Variants in HELLS observed in about 807,000 individuals in gnomAD.
The protein encoded by HELLS is lymphoid-specific helicase.
In HELLS, 32 loss-of-function variants were observed where a neutral mutation model predicts 120.0. That is an observed-to-expected ratio of 0.27 (90% CI 0.20 to 0.36). The LOEUF (loss-of-function observed/expected upper bound fraction) is 0.36. HELLS is among the 10% of genes least tolerant of loss of function. The pLI, the probability that HELLS is intolerant of heterozygous loss-of-function variation, is 1.00. For missense variants in HELLS, 650 were observed against 993.4 expected (o/e 0.65, Z 4.65); for synonymous variants, 341 against 323.4 (o/e 1.05, Z -0.58).
intron 13 of HELLS, among the ~76,000 whole-genome samples, chr10:94,589,631 T>C (rs1039385327): frequency 1.3e-5 from 2 of 152,036 alleles, no homozygotes; most frequent in Non-Finnish European, 2.9e-5. Flanking sequence ...AAAATATTTA[T>C]TGTGATGCAT....
Position 94,588,302 on chromosome 10 carries a change from T to C in HELLS, c.1400T>C (p.Val467Ala), listed in dbSNP as rs762904124. 4 of 1,610,874 alleles carry C rather than the reference T, an allele frequency of 2.5e-6. No homozygotes were observed. The Admixed American group carries it at 6.7e-5, about 27-fold the overall frequency. The stretch of plus-strand genomic sequence containing the variant: ...GAAGTTCCTCCTAAACGAGAAGTAG[T>C]CGTTTATGCTCCACTTTCAAAGAAG... ...ALEVPPKREV[V>A]VYAPLSKKQE... The change falls in exon 13 of 22, where the codon GTC (valine) becomes GCC (alanine). Residue 467 changes from valine to alanine, a missense_variant. By Grantham distance (64) the Val-to-Ala change is moderately conservative (BLOSUM62 0). Transcript: ENST00000348459.
intron 21 of HELLS, among the ~76,000 whole-genome samples, chr10:94,598,948 C>G (rs1031827491): frequency 8.6e-5 from 13 of 151,736 alleles, no homozygotes; most frequent in Admixed American, 6.6e-5. Flanking sequence ...CCTTGTCATC[C>G]TTGATGCAAA....
chr10:94,546,670 T>C (rs562231469), intron 2 of HELLS, among the ~76,000 whole-genome samples, 172 bp downstream of exon 2: 1 of 152,308 alleles, frequency 6.6e-6, no homozygotes, highest in African/African-American at 2.4e-5. Context: ...CCTTTGAGAA[T>C]CCTTTCGCAA....
Position 94,590,731 on chromosome 10 carries a change from A to G in HELLS, c.1722A>G (p.Pro574=), listed in dbSNP as rs768527296. The part of the protein sequence containing the change: ...MMLLRKCCNH[P]YLIEYPIDPV... ...TACTTCGTAAATGTTGTAATCATCC[A>G]TATTTGATTGAATATCCTATAGACC... Residue 574 remains proline, a synonymous_variant, in exon 15 of 22, where the codon CCA becomes CCG. Coordinates refer to ENST00000348459, the MANE Select transcript of HELLS (RefSeq NM_018063.5). The G allele has an allele frequency of 2.5e-6, 4 of 1,593,470 alleles. No individual in the cohort carries two copies. The highest frequency in any genetic ancestry group is 1.3e-5 in the African/African-American group (1 of 74,528).
chr10:94,573,927 TA>T, intron 7 of HELLS, 32 bp from the exon 8 acceptor site: 2 of 1,259,120 alleles, frequency 1.6e-6, no homozygotes, highest in Non-Finnish European at 2.3e-6. Context: ...GCATTTTGTA[TA>T]ACACATCTTA....
At position 94,592,411 on chromosome 10, in the gene HELLS, A is replaced by G. The variant is rs1845537369; in HGVS notation, c.1868A>G (p.Gln623Arg). 2 of 1,582,990 alleles carry G rather than the reference A, an allele frequency of 1.3e-6. No homozygotes were observed. Among genetic ancestry groups the G allele is most frequent in the Non-Finnish European group, 1.7e-6 (2 of 1,169,086 alleles). ...TAATTTCAGGTGCTGCTTTTTTCAC[A>G]AATGACAAGCATGTTGGACATTTTG... Reference protein sequence around the residue: ...KRGHKVLLFSQMTSMLDILMD... With the variant: ...KRGHKVLLFSRMTSMLDILMD... Residue 623 changes from glutamine to arginine, a missense_variant, in exon 17 of 22, where the codon CAA becomes CGA. Transcript: ENST00000348459.
intron 2 of HELLS, among the ~76,000 whole-genome samples, chr10:94,552,401 T>C (rs1326046251): frequency 6.6e-6 from 1 of 152,246 alleles, no homozygotes; most frequent in Non-Finnish European, 1.5e-5. Flanking sequence ...TGAGTTTTTC[T>C]GCTCTCATTT....
At position 94,584,267 on chromosome 10, in the gene HELLS, A is replaced by G. The variant is rs188962401; in HGVS notation, c.1326+1208A>G. ...TATTTATTAATGGTTTATAATAACT[A>G]TATGTTAAAAATAAGTTAATGTTGC... On this transcript the variant is annotated intron_variant, in intron 12 of 21. Transcript: ENST00000348459. 145 of 392,344 alleles carry G rather than the reference A, an allele frequency of 3.7e-4. 1 individual carries two copies. The highest frequency in any genetic ancestry group is 1.3e-3 in the Middle Eastern group (2 of 1,538). The allele number at this position is 392,344 out of a possible 1,614,324, so 24.3% of individuals were successfully genotyped here. A position where few individuals can be genotyped will look rare whatever the true frequency, so the allele number is the denominator to read the frequency against.
chr10:94,569,612 G>A (rs1190486637), intron 6 of HELLS: 1 of 151,744 alleles, frequency 6.6e-6, no homozygotes, highest in Non-Finnish European at 1.5e-5. Flanking sequence ...CTGTATTGAC[G>A]AGACTGGAGT....
rs1377101025 is a variant in HELLS, at chr10:94,546,463, G to A, written c.118G>A (p.Ala40Thr). ...AGAAGAGGAAGAACAGCTTGAAGCT[G>A]CTGGACTAGAGAGAGAGCGGAAGAT... ...MLEEEEQLEAAGLERERKMLE... is the reference protein window; with the variant it reads ...MLEEEEQLEATGLERERKMLE... Residue 40 changes from alanine to threonine, a missense_variant, in exon 2 of 22, where the codon GCT becomes ACT. By Grantham distance (58) the Ala-to-Thr change is moderately conservative. Transcript: ENST00000348459. 3 of 1,614,174 alleles carry A rather than the reference G, an allele frequency of 1.9e-6. No homozygotes were observed. Among genetic ancestry groups the A allele is most frequent in the East Asian group, 2.2e-5 (1 of 44,880 alleles).
intron 19 of HELLS, among the ~76,000 whole-genome samples, chr10:94,595,101 G>A (rs966233752): frequency 5.3e-5 from 8 of 151,272 alleles, no homozygotes; most frequent in Non-Finnish European, 8.8e-5. Context: ...GGTGGCGGGC[G>A]CCTGTAATCC....
intron 12 of HELLS, among the ~76,000 whole-genome samples, chr10:94,586,099 C>T (rs1007369080): frequency 2.6e-5 from 4 of 151,648 alleles, no homozygotes; most frequent in African/African-American, 4.9e-5. Context: ...CAGACATGGA[C>T]ATGTTTTTTT....
chr10:94,596,777 C>A, intron 19 of HELLS, 83 bp from the exon 20 acceptor site: 1 of 714,796 alleles, frequency 1.4e-6, no homozygotes, highest in Non-Finnish European at 2.4e-6. Flanking sequence ...CTTCTTAATG[C>A]AAGCCATTGT....
intron 12 of HELLS, among the ~76,000 whole-genome samples, chr10:94,585,052 G>T (rs749032423): frequency 2.6e-5 from 4 of 151,902 alleles, no homozygotes; most frequent in Non-Finnish European, 4.4e-5. Flanking sequence ...CTATATGAAA[G>T]AATTCCTTTC....
chr10:94,566,925 G>A (rs913570384), intron 6 of HELLS, among the ~76,000 whole-genome samples: 5 of 152,140 alleles, frequency 3.3e-5, no homozygotes, highest in African/African-American at 1.2e-4. Context: ...AAAGTGCTGG[G>A]ATTACAGGTG....
In HELLS at chr10:94,579,069, C is replaced by G. The variant is rs184950739; in HGVS notation, c.1033-2257C>G. Among the ~76,000 whole-genome samples the G allele has an allele frequency of 3.0e-3, 457 of 152,182 alleles. 2 individuals are homozygous for G. Among genetic ancestry groups the G allele is most frequent in the Non-Finnish European group, 5.5e-3 (374 of 67,998 alleles). On this transcript the variant is annotated intron_variant, in intron 10 of 21. Coordinates refer to ENST00000348459, the MANE Select transcript of HELLS (RefSeq NM_018063.5). ...CCATGGACCCCTACAGGTCTGTGAC[C>G]TGGGGGTTGGGGACCCCTGATTTAA...
Position 94,588,286 on chromosome 10 carries a change from C to T in HELLS, c.1384C>T (p.Pro462Ser). 6.2e-7 allele frequency: 1 copy of T among 1,611,698 alleles called. No homozygotes were observed. Among genetic ancestry groups the T allele is most frequent in the Non-Finnish European group, 8.5e-7 (1 of 1,178,074 alleles). Residue 462 changes from proline (P) to serine (S), a missense_variant, in exon 13 of 22, where the codon CCT (proline) becomes TCT (serine). This residue lies in a region of HELLS where 48 missense variants were observed against 127.0 expected (regional missense o/e 0.38). Coordinates refer to ENST00000348459, the MANE Select transcript of HELLS (RefSeq NM_018063.5). Reference protein sequence around the residue: ...LKSDVALEVPPKREVVVYAPL... With the variant: ...LKSDVALEVPSKREVVVYAPL... Reference sequence around the variant, plus strand: ...GTCTGATGTTGCTCTTGAAGTTCCTCCTAAACGAGAAGTAGTCGTTTATGC... The same window carrying T: ...GTCTGATGTTGCTCTTGAAGTTCCTTCTAAACGAGAAGTAGTCGTTTATGC...
chr10:94,601,673 T>A lies in HELLS; in HGVS notation c.*51T>A. ...AAGTTCTTATTTACATCTAGTGATT[T>A]CCCTGTATTGGGTTTGAAATACTGA... is the stretch of plus-strand genomic sequence containing the variant. On this transcript the variant is annotated 3_prime_UTR_variant, in exon 22 of 22. Coordinates refer to ENST00000348459, the MANE Select transcript of HELLS (RefSeq NM_018063.5). 4 of 957,910 alleles carry A rather than the reference T, an allele frequency of 4.2e-6. No individual in the cohort carries two copies. The highest frequency in any genetic ancestry group is 6.5e-6 in the Non-Finnish European group (4 of 613,272). 59.3% of individuals were successfully genotyped at this position (957,910 alleles called of 1,614,324 possible).
chr10:94,587,321 T>G (rs1037656403), intron 12 of HELLS, among the ~76,000 whole-genome samples: 3 of 152,212 alleles, frequency 2.0e-5, no homozygotes, highest in Non-Finnish European at 4.4e-5. Flanking sequence ...TGTTTTGATA[T>G]TGATACAGAA....
Sources: gnomAD v4.1 joint callset for allele counts (sites outside exome capture counted in the v4.1 genomes callset) on GRCh38, gnomAD v4.1.1 for gene constraint, gnomAD v4.1.1 regional missense constraint, MANE v1.5 for transcripts, NCBI Gene and HGNC (gene_info 2026-07-23, HGNC 2026-07-21) for gene names.